CNKSR3: variants seen among roughly 807,000 people sequenced by gnomAD.
CNKSR3 encodes the protein CNKSR family member 3.
Under a neutral mutation model 67.7 loss-of-function variants are expected in CNKSR3, and 36 were observed. That is an observed-to-expected ratio of 0.53 (90% confidence interval 0.41 to 0.70). The LOEUF (loss-of-function observed/expected upper bound fraction) is 0.70, where lower values mean the gene tolerates loss of function less well. Ranked by LOEUF, CNKSR3 falls within the 30% of genes least tolerant of loss-of-function variation. The probability of loss-of-function intolerance (pLI) is 0.00; values close to 1 mark genes in which losing one functional copy is unlikely to be tolerated. For missense variants in CNKSR3, 630 were observed against 695.2 expected (o/e 0.91, Z 1.05); for synonymous variants, 281 against 271.4 (o/e 1.04, Z -0.35).
At chr6:154,460,165 G>A (rs1260389817) in intron 1 of CNKSR3, among the ~76,000 whole-genome samples, 1 of 152,218 alleles carries the variant, frequency 6.6e-6, no homozygotes, top group African/African-American at 2.4e-5. Flanking sequence ...TTTTTGGAGG[G>A]AGAAGTTTAT....
intron 1 of CNKSR3, among the ~76,000 whole-genome samples, chr6:154,481,325 AT>A (rs1467954640): frequency 1.3e-5 from 2 of 151,236 alleles, no homozygotes; most frequent in African/African-American, 4.9e-5. Flanking sequence ...CTTATTTGAT[AT>A]TTATTTTATT....
In CNKSR3 at chr6:154,397,947, T is replaced by G. The variant is rs1041120071; in HGVS notation, c.*8407A>C. 1 of 152,336 alleles carries G rather than the reference T, an allele frequency of 6.6e-6. No individual in the cohort carries two copies. Among genetic ancestry groups the G allele is most frequent in the Non-Finnish European group, 1.5e-5 (1 of 68,126 alleles). 9.4% of individuals were successfully genotyped at this position (152,336 alleles called of 1,614,324 possible). A position where few individuals can be genotyped will look rare whatever the true frequency, so the allele number is the denominator to read the frequency against. On this transcript the variant is annotated 3_prime_UTR_variant, in exon 13 of 13. Transcript: ENST00000607772. Reference sequence around the variant, plus strand: ...GGCGCAGGCGCAGAACAGGATTGAATTTCGCTAAAAAGACAAAGGAAGAAA... The same window carrying G: ...GGCGCAGGCGCAGAACAGGATTGAAGTTCGCTAAAAAGACAAAGGAAGAAA...
intron 7 of CNKSR3, 112 bp from the exon 8 acceptor site, chr6:154,423,095 G>A: frequency 1.4e-6 from 1 of 729,222 alleles, no homozygotes; most frequent in South Asian, 1.9e-5. Flanking sequence ...CATTTTCTCA[G>A]GAAAAATAAA....
In CNKSR3 at chr6:154,391,726, A is replaced by G. The variant is rs1373782762; in HGVS notation, c.*14628T>C. 1 of 152,154 alleles carries G rather than the reference A, an allele frequency of 6.6e-6. No homozygotes were observed. Among genetic ancestry groups the G allele is most frequent in the African/African-American group, 2.4e-5 (1 of 41,430 alleles). 9.4% of individuals were successfully genotyped at this position (152,154 alleles called of 1,614,324 possible). The stretch of plus-strand genomic sequence containing the variant: ...CTTGTATCTTCCAAATAAAACACCA[A>G]TAGTTTCATCCTTGACACCAGCTCT... On this transcript the variant is annotated 3_prime_UTR_variant, in exon 13 of 13. Coordinates refer to ENST00000607772, the MANE Select transcript of CNKSR3 (RefSeq NM_173515.4).
At position 154,400,700 on chromosome 6, in the gene CNKSR3, A is replaced by T. The variant is rs1221635173; in HGVS notation, c.*5654T>A. On this transcript the variant is annotated 3_prime_UTR_variant, in exon 13 of 13. Transcript: ENST00000607772. ...GGACAGACTCCACACCCCTAAAACTAGAGGAAAAACAAGGCCCTCTAGCAG... is the reference window on the plus strand; with the variant it reads ...GGACAGACTCCACACCCCTAAAACTTGAGGAAAAACAAGGCCCTCTAGCAG... 2.0e-5 allele frequency: 3 copies of T among 152,234 alleles called. No homozygotes were observed. The highest frequency in any genetic ancestry group is 4.4e-5 in the Non-Finnish European group (3 of 68,038). The allele number at this position is 152,234 out of a possible 1,614,324, so 9.4% of individuals were successfully genotyped here.
At chr6:154,458,788 A>C (rs1161513832) in intron 1 of CNKSR3, among the ~76,000 whole-genome samples, 1 of 152,114 alleles carries the variant, frequency 6.6e-6, no homozygotes, top group African/African-American at 2.4e-5. Context: ...ACCCACGCAC[A>C]CTACTAATTG....
At chr6:154,495,639 T>C (rs1786862907) in intron 1 of CNKSR3, among the ~76,000 whole-genome samples, 1 of 151,872 alleles carries the variant, frequency 6.6e-6, no homozygotes, top group Non-Finnish European at 1.5e-5. Context: ...CCTCTCAAAG[T>C]GCTGGGATTA....
intron 7 of CNKSR3, among the ~76,000 whole-genome samples, chr6:154,423,563 A>G (rs1785192053): frequency 6.6e-6 from 1 of 152,170 alleles, no homozygotes; most frequent in Non-Finnish European, 1.5e-5. Flanking sequence ...CAGTCTGGAC[A>G]TACTGTCAAA....
At position 154,389,397 on chromosome 6, in the gene CNKSR3, A is replaced by G. The variant is rs1309358288; in HGVS notation, c.*16957T>C. ...GCACCATTGTTGAAGATCAGTTGACAATATACATGTGAATCTATTTCTGGA... is the reference window on the plus strand; with the variant it reads ...GCACCATTGTTGAAGATCAGTTGACGATATACATGTGAATCTATTTCTGGA... On this transcript the variant is annotated 3_prime_UTR_variant, in exon 13 of 13. Coordinates refer to ENST00000607772, the MANE Select transcript of CNKSR3 (RefSeq NM_173515.4). The G allele has an allele frequency of 2.6e-5, 4 of 152,520 alleles. No homozygotes were observed. The highest frequency in any genetic ancestry group is 9.6e-5 in the African/African-American group (4 of 41,562). The allele number at this position is 152,520 out of a possible 1,614,324, so 9.4% of individuals were successfully genotyped here.
intron 1 of CNKSR3, among the ~76,000 whole-genome samples, chr6:154,479,369 G>A (rs1013109252): frequency 6.6e-6 from 1 of 152,290 alleles, no homozygotes; most frequent in East Asian, 1.9e-4. Context: ...TCTAACTGCA[G>A]AAACACAGGC....
At chr6:154,412,163 G>T (rs1784924764) in intron 10 of CNKSR3, among the ~76,000 whole-genome samples, 1 of 152,154 alleles carries the variant, frequency 6.6e-6, no homozygotes, top group South Asian at 2.1e-4. Context: ...TCTGTGTGTG[G>T]TATTCCCAGG....
At chr6:154,426,409 G>A (rs1785256796) in intron 7 of CNKSR3, among the ~76,000 whole-genome samples, 1 of 151,670 alleles carries the variant, frequency 6.6e-6, no homozygotes, top group Non-Finnish European at 1.5e-5. Flanking sequence ...ACCCAGGCTG[G>A]ACTGTGCAGT....
At chr6:154,485,383 T>C (rs930905890) in intron 1 of CNKSR3, among the ~76,000 whole-genome samples, 3 of 152,242 alleles carry the variant, frequency 2.0e-5, no homozygotes, top group African/African-American at 7.2e-5. Flanking sequence ...TTAAAAGAAC[T>C]TTTCTACATT....
intron 9 of CNKSR3, among the ~76,000 whole-genome samples, chr6:154,419,282 C>T (rs193184468): frequency 5.9e-5 from 9 of 152,196 alleles, no homozygotes; most frequent in Non-Finnish European, 7.4e-5. Flanking sequence ...TGGGCTCAAA[C>T]GATCCTCCTT....
In CNKSR3 at chr6:154,397,971, A is replaced by G. The variant is rs1313594167; in HGVS notation, c.*8383T>C. 4 of 152,318 alleles carry G rather than the reference A, an allele frequency of 2.6e-5. No homozygotes were observed. The highest frequency in any genetic ancestry group is 1.3e-4 in the Admixed American group (2 of 15,286). 9.4% of individuals were successfully genotyped at this position (152,318 alleles called of 1,614,324 possible). On this transcript the variant is annotated 3_prime_UTR_variant, in exon 13 of 13. Transcript: ENST00000607772. ...ATTTCGCTAAAAAGACAAAGGAAGA[A>G]AAAGTATGGTCTCTGTCCTCAGGGC...
chr6:154,403,276 C>G lies in CNKSR3; in HGVS notation c.*3078G>C, dbSNP rs897167872. 2.6e-5 allele frequency: 4 copies of G among 151,916 alleles called. No homozygotes were observed. The highest frequency in any genetic ancestry group is 4.4e-5 in the Non-Finnish European group (3 of 68,012). 9.4% of individuals were successfully genotyped at this position (151,916 alleles called of 1,614,324 possible). A position where few individuals can be genotyped will look rare whatever the true frequency, so the allele number is the denominator to read the frequency against. ...TACAAAAATTAGCCAGGTGTGGTGG[C>G]GGGCACCTGTAATCCCAGCTACTTG... On this transcript the variant is annotated 3_prime_UTR_variant, in exon 13 of 13. Coordinates refer to ENST00000607772, the MANE Select transcript of CNKSR3 (RefSeq NM_173515.4).
chr6:154,457,873 C>T (rs1785992270), intron 1 of CNKSR3, among the ~76,000 whole-genome samples: 1 of 152,176 alleles, frequency 6.6e-6, no homozygotes, highest in South Asian at 2.1e-4. Context: ...TCTTCCAAAC[C>T]TCCCTGCAGT....
intron 9 of CNKSR3, among the ~76,000 whole-genome samples, chr6:154,420,904 T>A (rs72993379): frequency 0.046 from 6,965 of 152,236 alleles, 216 homozygotes; most frequent in African/African-American, 0.075. Flanking sequence ...TTTGTATCTG[T>A]CAATTAAAAA....
At position 154,510,141 on chromosome 6, in the gene CNKSR3, C is replaced by T. The variant is rs1369650540; in HGVS notation, c.-27G>A. ...GTAAACCGCTTCGCCTCTCGCTGGG[C>T]TGGAGAGTCGCAGATAAAGTGCTGC... On this transcript the variant is annotated 5_prime_UTR_variant, in exon 1 of 13. Transcript: ENST00000607772. 3 of 1,613,772 alleles carry T rather than the reference C, an allele frequency of 1.9e-6. No homozygotes were observed. Among genetic ancestry groups the T allele is most frequent in the Non-Finnish European group, 2.5e-6 (3 of 1,179,834 alleles).
Sources: allele counts gnomAD v4.1 joint callset (sites outside exome capture counted in the v4.1 genomes callset), GRCh38; gene constraint gnomAD v4.1.1; transcripts MANE v1.5; gene names NCBI Gene and HGNC (gene_info 2026-07-23, HGNC 2026-07-21).